Variants in SAMD4B observed in about 807,000 individuals in gnomAD.
SAMD4B encodes sterile alpha motif domain containing 4B, also known as protein Smaug homolog 2.
Under a neutral mutation model 74.5 loss-of-function variants are expected in SAMD4B, and 5 were observed. The ratio of observed to expected loss-of-function variants is 0.07; its 90% CI spans 0.04 to 0.14. SAMD4B has a LOEUF of 0.14. Ranked by LOEUF, SAMD4B falls within the 10% of genes least tolerant of loss-of-function variation. The pLI is 1.00. For missense variants in SAMD4B, 608 were observed against 921.8 expected (o/e 0.66, Z 4.41); for synonymous variants, 373 against 374.9 (o/e 1.00, Z 0.06).
In SAMD4B at chr19:39,385,509, GC is replaced by G. The variant is rs1369272708; in HGVS notation, c.*1987del. The G allele has an allele frequency of 4.3e-5, 20 of 464,244 alleles. No homozygotes were observed. The highest frequency in any genetic ancestry group is 5.6e-4 in the Middle Eastern group (1 of 1,800). The allele number at this position is 464,244 out of a possible 1,614,324, so 28.8% of individuals were successfully genotyped here. A position where few individuals can be genotyped will look rare whatever the true frequency, so the allele number is the denominator to read the frequency against. Reference sequence around the variant, plus strand: ...AGGACCCTGACCCTCTCCCGCTCCAGCCCCCTCCCCAGGCCCTCCTCCATGA... The same window carrying G: ...AGGACCCTGACCCTCTCCCGCTCCAGCCCCTCCCCAGGCCCTCCTCCATGA... On this transcript the variant is annotated 3_prime_UTR_variant, in exon 14 of 14. Transcript: ENST00000610417.
At chr19:39,381,260 A>C in intron 12 of SAMD4B, 147 bp downstream of exon 12, 4 of 922,290 alleles carry the variant, frequency 4.3e-6, no homozygotes, top group Non-Finnish European at 6.3e-6. Context: ...ATCTCCCCCA[A>C]TTGTGGGGGG....
At chr19:39,382,218 G>GAT (rs2078036180) in intron 12 of SAMD4B, among the ~76,000 whole-genome samples, 1 of 152,102 alleles carries the variant, frequency 6.6e-6, no homozygotes, top group African/African-American at 2.4e-5. Context: ...CCTAGCACAG[G>GAT]GCTTGACACA....
chr19:39,356,209 T>C (rs1240997884), intron 2 of SAMD4B, among the ~76,000 whole-genome samples: 1 of 152,268 alleles, frequency 6.6e-6, no homozygotes, highest in Non-Finnish European at 1.5e-5. Flanking sequence ...TAAAGAGCCC[T>C]TGGAGTCCTA....
At chr19:39,389,374 C>T, downstream of SAMD4B, 1 of 1,614,024 alleles carries the variant, frequency 6.2e-7, no homozygotes. This position sits in a 1 kb window ranked among gnomAD's most constrained non-coding sequence, Gnocchi z 5.3. Flanking sequence ...CCTTCGCGTG[C>T]TGCTGGGATC....
chr19:39,373,103 AG>A (rs1194167248), intron 4 of SAMD4B, among the ~76,000 whole-genome samples: 1 of 152,148 alleles, frequency 6.6e-6, no homozygotes, highest in Non-Finnish European at 1.5e-5. Context: ...GTGTCACTGT[AG>A]CACTGGCAGG....
Position 39,378,561 on chromosome 19 carries a change from A to G in SAMD4B, c.1502A>G (p.Gln501Arg). 2 of 1,614,022 alleles carry G rather than the reference A, an allele frequency of 1.2e-6. No individual in the cohort carries two copies. The highest frequency in any genetic ancestry group is 8.5e-7 in the Non-Finnish European group (1 of 1,179,956). ...GAGGAGAACATCACCAGTTACCTCC[A>G]GCTCATCGAAAAGTGCCTGACTCAT... is the stretch of plus-strand genomic sequence containing the variant. ...PDEENITSYLQLIEKCLTHEA... is the reference protein window; with the variant it reads ...PDEENITSYLRLIEKCLTHEA... Residue 501 changes from glutamine to arginine, a missense_variant, in exon 9 of 14, where the codon CAG becomes CGG. Gln to Arg is a conservative substitution (Grantham distance 43). This residue lies in a region of SAMD4B where 27 missense variants were observed against 48.6 expected (regional missense o/e 0.56). Coordinates refer to ENST00000610417, the MANE Select transcript of SAMD4B (RefSeq NM_001384574.2). The surrounding 1 kb of genome is among the most constrained non-coding windows in gnomAD (Gnocchi z 4.4).
At chr19:39,350,030 G>C (rs2075937009) in intron 1 of SAMD4B, 1 of 152,178 alleles carries the variant, frequency 6.6e-6, no homozygotes, top group African/African-American at 2.4e-5. Context: ...TGCTCCATCT[G>C]TAAAATGATA....
At chr19:39,355,688 A>G (rs16973342) in intron 2 of SAMD4B, among the ~76,000 whole-genome samples, 9,119 of 152,244 alleles carry the variant, frequency 0.06, 439 homozygotes, top group African/African-American at 0.13. Flanking sequence ...CCAGAAACCA[A>G]CCACCTGAAA....
rs890011063 is a variant in SAMD4B at position 39,375,867 on chromosome 19, G to A, written c.885G>A (p.Gln295=). Residue 295 remains glutamine (Q), a synonymous_variant, in exon 5 of 14, where the codon CAG becomes CAA. Transcript: ENST00000610417. The surrounding 1 kb of genome is among the most constrained non-coding windows in gnomAD (Gnocchi z 4.1). ...AGGGCTCCAGCCGGAACACCTTCCA[G>A]GAGGATGGCAGTGGCATGAAAGGTA... The part of the protein sequence containing the change: ...EEQGSSRNTF[Q]EDGSGMKDVP... 1 of 1,609,738 alleles carries A rather than the reference G, an allele frequency of 6.2e-7. No individual in the cohort carries two copies. The highest frequency in any genetic ancestry group is 1.3e-5 in the African/African-American group (1 of 74,924).
At position 39,383,477 on chromosome 19, in the gene SAMD4B, C is replaced by T. The variant is rs2078127736; in HGVS notation, c.2057-22C>T. ...TCCCTCCAGCTCCTGATCTTCCTCCCTTCCTCCCTTTCTTACCACAGATGG... is the reference window on the plus strand; with the variant it reads ...TCCCTCCAGCTCCTGATCTTCCTCCTTTCCTCCCTTTCTTACCACAGATGG... On this transcript the variant is annotated intron_variant, in intron 13 of 13. Transcript: ENST00000610417. The surrounding 1 kb of genome is among the most constrained non-coding windows in gnomAD (Gnocchi z 4.1). 3 of 1,612,958 alleles carry T rather than the reference C, an allele frequency of 1.9e-6. No individual in the cohort carries two copies. In the Admixed American group the frequency reaches 5.0e-5, roughly 27 times the overall value.
chr19:39,370,842 GTAT>G (rs2077253298), intron 4 of SAMD4B, among the ~76,000 whole-genome samples: 1 of 152,182 alleles, frequency 6.6e-6, no homozygotes, highest in South Asian at 2.1e-4. Flanking sequence ...CATCACAACC[GTAT>G]CATTAGCCCT....
At chr19:39,353,354 G>A (rs1167322004) in intron 1 of SAMD4B, among the ~76,000 whole-genome samples, 2 of 152,130 alleles carry the variant, frequency 1.3e-5, no homozygotes, top group Non-Finnish European at 2.9e-5. Flanking sequence ...GTAGTACAAA[G>A]TTATATAAAG....
chr19:39,383,193 C>G lies in SAMD4B; in HGVS notation c.1973-15C>G, dbSNP rs765824643. The G allele has an allele frequency of 1.9e-6, 3 of 1,612,898 alleles. No homozygotes were observed. Among genetic ancestry groups the G allele is most frequent in the Non-Finnish European group, 2.5e-6 (3 of 1,178,972 alleles). On this transcript the variant is annotated splice_polypyrimidine_tract_variant and intron_variant, in intron 12 of 13. Coordinates refer to ENST00000610417, the MANE Select transcript of SAMD4B (RefSeq NM_001384574.2). The surrounding 1 kb of genome is among the most constrained non-coding windows in gnomAD (Gnocchi z 4.1). ...GTTGGTCCTTACCACCCCCATTCTC[C>G]TCTCTCCCACCCAGACTGCCCGGTT...
chr19:39,370,617 G>A (rs1231524557), intron 4 of SAMD4B, among the ~76,000 whole-genome samples: 1 of 152,184 alleles, frequency 6.6e-6, no homozygotes, highest in Non-Finnish European at 1.5e-5. Context: ...ACGCTTGATG[G>A]AGGTGTGCAT....
chr19:39,386,328 C>A, downstream of SAMD4B: 1 of 1,614,204 alleles, frequency 6.2e-7, no homozygotes, highest in Non-Finnish European at 8.5e-7. This position sits in a 1 kb window ranked among gnomAD's most constrained non-coding sequence, Gnocchi z 6.1. Context: ...ACCTTCCTCC[C>A]GTTCACTCTC....
downstream of SAMD4B, chr19:39,385,793 TG>T: frequency 2.7e-6 from 2 of 743,858 alleles, no homozygotes; most frequent in South Asian, 1.9e-5. Context: ...CTTGAGCACC[TG>T]GGGGTTGCGG....
chr19:39,389,327 G>T (rs1263728908), downstream of SAMD4B: 2 of 1,614,066 alleles, frequency 1.2e-6, no homozygotes, highest in African/African-American at 2.7e-5. This position sits in a 1 kb window ranked among gnomAD's most constrained non-coding sequence, Gnocchi z 5.3. Context: ...GTTGAACTCA[G>T]TGGAGATGTA....
chr19:39,342,836 G>GGGGCC (rs1249353732), intron 1 of SAMD4B, among the ~76,000 whole-genome samples: 2 of 151,592 alleles, frequency 1.3e-5, no homozygotes, highest in Non-Finnish European at 3.0e-5. Flanking sequence ...GGATTGCCGA[G>GGGGCC]GGGCCGGGCC....
intron 2 of SAMD4B, 82 bp from the exon 3 acceptor site, chr19:39,356,607 G>T: frequency 3.6e-6 from 1 of 280,198 alleles, no homozygotes; most frequent in Non-Finnish European, 6.7e-6. Context: ...AAGGCATGAG[G>T]CCTTCATGCC....
Sources: gnomAD v4.1 joint callset for allele counts (sites outside exome capture counted in the v4.1 genomes callset) on GRCh38, gnomAD v4.1.1 for gene constraint, gnomAD v4.1.1 regional missense constraint, Gnocchi (gnomAD v3.1) non-coding constraint, MANE v1.5 for transcripts, NCBI Gene and HGNC (gene_info 2026-07-23, HGNC 2026-07-21) for gene names.